Variants in ITPKA observed in about 807,000 individuals in gnomAD.
ITPKA encodes the protein inositol-trisphosphate 3-kinase A, also known as IP3 3-kinase A.
Under a neutral mutation model 40.7 loss-of-function variants are expected in ITPKA, and 16 were observed. The ratio of observed to expected loss-of-function variants is 0.39; its 90% CI spans 0.27 to 0.60. The LOEUF (loss-of-function observed/expected upper bound fraction) is 0.60, where lower values mean the gene tolerates loss of function less well. ITPKA is among the 20% of genes least tolerant of loss of function. The pLI, the probability that ITPKA is intolerant of heterozygous loss-of-function variation, is 0.50. For synonymous variants in ITPKA, 313 were observed against 289.9 expected, an observed-to-expected ratio of 1.08 and a Z score of -0.81; for missense variants, 540 against 649.3, an observed-to-expected ratio of 0.83 and a Z score of 1.83.
In ITPKA at chr15:41,494,000, C is replaced by CGGGCCCCGCGCCGGAGT; in HGVS notation, c.75_91dup (p.Val31GlyfsTer54). On this transcript the variant is annotated frameshift_variant, in exon 1 of 7. Transcript: ENST00000260386. LOFTEE classifies it high-confidence loss of function. ...GAGGCCCTGCAGCCCGGGGCTGGAGCGGGCCCCGCGCCGGAGTGTCGGGGA... is the reference window on the plus strand; with the variant it reads ...GAGGCCCTGCAGCCCGGGGCTGGAGCGGGCCCCGCGCCGGAGTGGGCCCCGCGCCGGAGTGTCGGGGA... The CGGGCCCCGCGCCGGAGT allele has an allele frequency of 8.7e-7, 1 of 1,155,174 alleles. No individual in the cohort carries two copies. Among genetic ancestry groups the CGGGCCCCGCGCCGGAGT allele is most frequent in the Non-Finnish European group, 1.1e-6 (1 of 939,142 alleles). 71.6% of individuals were successfully genotyped at this position (1,155,174 alleles called of 1,614,324 possible).
Position 41,494,409 on chromosome 15 carries a change from T to C in ITPKA, c.482T>C (p.Val161Ala). Reference sequence around the variant, plus strand: ...GTGCAGCTGGAAGCGGGCGAGGACGTGGGTCAGGTACGGGCCGCGGGGGCG... The same window carrying C: ...GTGCAGCTGGAAGCGGGCGAGGACGCGGGTCAGGTACGGGCCGCGGGGGCG... ...GNVQLEAGED[V>A]GQKNHWQKIR... is the part of the protein sequence containing the mutation. Residue 161 changes from valine to alanine, a missense_variant, in exon 1 of 7, where the codon GTG becomes GCG. Transcript: ENST00000260386. The surrounding 1 kb of genome is among the most constrained non-coding windows in gnomAD (Gnocchi z 7.8). 1 of 1,469,826 alleles carries C rather than the reference T, an allele frequency of 6.8e-7. No individual in the cohort carries two copies. The highest frequency in any genetic ancestry group is 9.0e-7 in the Non-Finnish European group (1 of 1,111,688). The allele number at this position is 1,469,826 out of a possible 1,614,324, so 91.0% of individuals were successfully genotyped here.
intron 1 of ITPKA, among the ~76,000 whole-genome samples, chr15:41,498,931 A>G (rs1021234930): frequency 3.9e-5 from 6 of 152,222 alleles, no homozygotes; most frequent in South Asian, 2.1e-4. Flanking sequence ...TCAGCCAGAG[A>G]TTGGGAGGCT....
At chr15:41,497,941 C>G (rs2140673575) in intron 1 of ITPKA, among the ~76,000 whole-genome samples, 1 of 152,118 alleles carries the variant, frequency 6.6e-6, no homozygotes, top group South Asian at 2.1e-4. Context: ...CACTTGAGGC[C>G]AGGAGTTTGA....
chr15:41,494,558 T>C lies in ITPKA; in HGVS notation c.489+142T>C. 3.6e-6 allele frequency: 2 copies of C among 559,760 alleles called. No homozygotes were observed. The highest frequency in any genetic ancestry group is 5.7e-6 in the Non-Finnish European group (2 of 351,862). 34.7% of individuals were successfully genotyped at this position (559,760 alleles called of 1,614,324 possible). On this transcript the variant is annotated intron_variant, in intron 1 of 6. Coordinates refer to ENST00000260386, the MANE Select transcript of ITPKA (RefSeq NM_002220.3). The surrounding 1 kb of genome is among the most constrained non-coding windows in gnomAD (Gnocchi z 7.8). ...TCGCGGTTTAGGAGGAATCTGGGGG[T>C]CAGAGGGAGGCGCCTGGCCGACCTC...
At chr15:41,495,040 C>T (rs538411048) in intron 1 of ITPKA, among the ~76,000 whole-genome samples, 2 of 152,342 alleles carry the variant, frequency 1.3e-5, no homozygotes, top group East Asian at 3.9e-4. Context: ...CGGCTCGCCG[C>T]TCCTGAGCGC....
At chr15:41,501,907 A>T in intron 3 of ITPKA, 56 bp downstream of exon 3, 3 of 1,594,058 alleles carry the variant, frequency 1.9e-6, no homozygotes, top group Non-Finnish European at 2.6e-6. Flanking sequence ...CGGGGCCGGG[A>T]CAGCTGCTTG....
At chr15:41,497,491 G>C (rs1309232419) in intron 1 of ITPKA, among the ~76,000 whole-genome samples, 3 of 152,236 alleles carry the variant, frequency 2.0e-5, no homozygotes, top group South Asian at 2.1e-4. Context: ...GCCTCCCAAA[G>C]TGCTGAGATT....
chr15:41,493,923 G>A lies in ITPKA; in HGVS notation c.-5G>A, dbSNP rs2051050998. On this transcript the variant is annotated 5_prime_UTR_variant, in exon 1 of 7. Transcript: ENST00000260386. ...TGGGCTCAGCGGCGGCGCCGGCACT[G>A]GGAAATGACCCTGCCCGGGGGCCCA... 9.8e-7 allele frequency: 1 copy of A among 1,016,784 alleles called. No homozygotes were observed. The highest frequency in any genetic ancestry group is 1.2e-6 in the Non-Finnish European group (1 of 851,490). 63.0% of individuals were successfully genotyped at this position (1,016,784 alleles called of 1,614,324 possible).
At position 41,494,262 on chromosome 15, in the gene ITPKA, C is replaced by T. The variant is rs760607650; in HGVS notation, c.335C>T (p.Ser112Leu). 7 of 1,547,256 alleles carry T rather than the reference C, an allele frequency of 4.5e-6. No individual in the cohort carries two copies. The highest frequency in any genetic ancestry group is 2.7e-5 in the African/African-American group (2 of 72,732). The change falls in exon 1 of 7, where the codon TCG becomes TTG. Residue 112 changes from serine to leucine, a missense_variant. By Grantham distance (145) the Ser-to-Leu change is moderately radical. Coordinates refer to ENST00000260386, the MANE Select transcript of ITPKA (RefSeq NM_002220.3). The surrounding 1 kb of genome is among the most constrained non-coding windows in gnomAD (Gnocchi z 7.8). ...ERDCLPAAGS[S>L]HLQQPRRLST... ...GACTGCCTCCCGGCAGCGGGCTCTT[C>T]GCACCTGCAGCAGCCGCGCCGCCTT...
chr15:41,501,357 G>A, intron 1 of ITPKA, 106 bp from the exon 2 acceptor site: 2 of 1,506,086 alleles, frequency 1.3e-6, no homozygotes, highest in East Asian at 2.5e-5. Context: ...TCCAGCCCCA[G>A]CTGCTTCCGG....
At position 41,501,979 on chromosome 15, in the gene ITPKA, C is replaced by T. The variant is rs2051116018; in HGVS notation, c.804-18C>T. On this transcript the variant is annotated intron_variant, in intron 3 of 6. Coordinates refer to ENST00000260386, the MANE Select transcript of ITPKA (RefSeq NM_002220.3). ...TGTGCGCCCCCTCATGCCCTGGCCG[C>T]TGCCTGCGCCCCCACAGGACTTACC... 3 of 1,609,386 alleles carry T rather than the reference C, an allele frequency of 1.9e-6. No individual in the cohort carries two copies. Among genetic ancestry groups the T allele is most frequent in the South Asian group, 2.2e-5 (2 of 90,784 alleles).
chr15:41,497,880 G>A (rs1237266065), intron 1 of ITPKA, among the ~76,000 whole-genome samples: 5 of 151,780 alleles, frequency 3.3e-5, no homozygotes, highest in Non-Finnish European at 5.9e-5. Flanking sequence ...AAAATGTCAC[G>A]GTGGCTCACA....
chr15:41,501,658 A>T lies in ITPKA; in HGVS notation c.610A>T (p.Ser204Cys), dbSNP rs1233653012. The change falls in exon 3 of 7, where the codon AGC (serine) becomes TGC (cysteine). Residue 204 changes from serine to cysteine, a missense_variant. Transcript: ENST00000260386. ...HTGSFKAAGTSGLILKRCSEP... is the reference protein window; with the variant it reads ...HTGSFKAAGTCGLILKRCSEP... Reference sequence around the variant, plus strand: ...AGGGAGTTTTAAGGCGGCGGGCACCAGCGGGCTGATCCTGAAGCGCTGCTC... The same window carrying T: ...AGGGAGTTTTAAGGCGGCGGGCACCTGCGGGCTGATCCTGAAGCGCTGCTC... 6.2e-7 allele frequency: 1 copy of T among 1,608,658 alleles called. No homozygotes were observed. Among genetic ancestry groups the T allele is most frequent in the African/African-American group, 1.3e-5 (1 of 74,956 alleles).
At chr15:41,502,607 C>T (rs2051125320) in intron 5 of ITPKA, 104 bp downstream of exon 5, 2 of 926,498 alleles carry the variant, frequency 2.2e-6, no homozygotes, top group Non-Finnish European at 3.4e-6. Flanking sequence ...CCATGGCCCT[C>T]ACCGCGCTGG....
chr15:41,503,034 C>G lies in ITPKA; in HGVS notation c.1254C>G (p.Gly418=), dbSNP rs748761254. Residue 418 remains glycine, a synonymous_variant, in exon 7 of 7, where the codon GGC becomes GGG. Coordinates refer to ENST00000260386, the MANE Select transcript of ITPKA (RefSeq NM_002220.3). The part of the protein sequence containing the change: ...HRAGVWLIDF[G]KTTPLPDGQI... ...CCGGCGTGTGGCTCATCGACTTCGGCAAGACCACGCCCCTCCCCGATGGCC... is the reference window on the plus strand; with the variant it reads ...CCGGCGTGTGGCTCATCGACTTCGGGAAGACCACGCCCCTCCCCGATGGCC... The G allele has an allele frequency of 8.9e-5, 143 of 1,611,004 alleles. No individual in the cohort carries two copies. Among genetic ancestry groups the G allele is most frequent in the Middle Eastern group, 3.3e-4 (2 of 6,054 alleles).
Position 41,501,977 on chromosome 15 carries a change from C to A in ITPKA, c.804-20C>A. 2 of 1,608,716 alleles carry A rather than the reference C, an allele frequency of 1.2e-6. No homozygotes were observed. The highest frequency in any genetic ancestry group is 1.1e-5 in the South Asian group (1 of 90,706). On this transcript the variant is annotated intron_variant, in intron 3 of 6. Transcript: ENST00000260386. ...CGTGTGCGCCCCCTCATGCCCTGGC[C>A]GCTGCCTGCGCCCCCACAGGACTTA... is the stretch of plus-strand genomic sequence containing the variant.
chr15:41,499,345 A>G (rs959556617), intron 1 of ITPKA, among the ~76,000 whole-genome samples: 5 of 152,192 alleles, frequency 3.3e-5, no homozygotes, highest in African/African-American at 1.2e-4. Context: ...AGTGGGAGCA[A>G]TGCTGCCTGA....
At chr15:41,495,673 C>A (rs1401788710) in intron 1 of ITPKA, among the ~76,000 whole-genome samples, 4 of 152,242 alleles carry the variant, frequency 2.6e-5, no homozygotes, top group Admixed American at 2.6e-4. Context: ...TAACCCTTGC[C>A]TAGGTCGGGG....
intron 1 of ITPKA, among the ~76,000 whole-genome samples, chr15:41,498,374 C>T (rs1268731746): frequency 6.6e-6 from 1 of 151,268 alleles, no homozygotes; most frequent in Non-Finnish European, 1.5e-5. Flanking sequence ...TGCTGCTGCT[C>T]TTGATTCTTA....
Sources: allele counts gnomAD v4.1 joint callset (sites outside exome capture counted in the v4.1 genomes callset), GRCh38; gene constraint gnomAD v4.1.1; non-coding constraint Gnocchi (gnomAD v3.1); transcripts MANE v1.5; gene names NCBI Gene and HGNC (gene_info 2026-07-23, HGNC 2026-07-21).